Variants in ORC5 observed in about 807,000 individuals in gnomAD.
ORC5 encodes the protein protein phosphatase 1, regulatory subunit 117.
In ORC5, 39 loss-of-function variants were observed where a neutral mutation model predicts 58.8. That is an observed-to-expected ratio of 0.66 (90% CI 0.51 to 0.87). The LOEUF (loss-of-function observed/expected upper bound fraction) is 0.87, where lower values mean the gene tolerates loss of function less well. Ranked by LOEUF, ORC5 falls within the 40% of genes least tolerant of loss-of-function variation. The pLI is 0.00. For missense variants in ORC5, 493 were observed against 506.3 expected (o/e 0.97, Z 0.25); for synonymous variants, 218 against 177.6 (o/e 1.23, Z -1.81).
At chr7:104,187,295 A>G (rs748528683) in intron 6 of ORC5, among the ~76,000 whole-genome samples, 1 of 152,216 alleles carries the variant, frequency 6.6e-6, no homozygotes, top group Non-Finnish European at 1.5e-5. Context: ...GTTTTTTCCC[A>G]GCTGAGAAGA....
Position 104,126,733 on chromosome 7 carries a change from T to C in ORC5, c.*115A>G. The C allele has an allele frequency of 1.4e-6, 1 of 712,578 alleles. No individual in the cohort carries two copies. Among genetic ancestry groups the C allele is most frequent in the Non-Finnish European group, 2.4e-6 (1 of 418,870 alleles). 44.1% of individuals were successfully genotyped at this position (712,578 alleles called of 1,614,324 possible). ...AGATTCCATGCTGGGCCAGCACCTG[T>C]TTGGACAAATCCAATAGAGCCAAAG... On this transcript the variant is annotated 3_prime_UTR_variant, in exon 14 of 14. Coordinates refer to ENST00000297431, the MANE Select transcript of ORC5 (RefSeq NM_002553.4).
At chr7:104,204,446 T>C (rs181648205) in intron 1 of ORC5, among the ~76,000 whole-genome samples, 3 of 152,360 alleles carry the variant, frequency 2.0e-5, no homozygotes, top group Admixed American at 1.3e-4. Context: ...ATGTAACATA[T>C]TTGGCATATT....
rs7807228 is a variant in ORC5, at chr7:104,184,219, A to C, written c.685-48T>G. On this transcript the variant is annotated intron_variant, in intron 6 of 13. Transcript: ENST00000297431. ...AGAAGAAAAAAAGCACTGATCGATCACAATTAGAAATTTATTTTTCAAGTA... is the reference window on the plus strand; with the variant it reads ...AGAAGAAAAAAAGCACTGATCGATCCCAATTAGAAATTTATTTTTCAAGTA... 2.2e-3 allele frequency: 2,596 copies of C among 1,166,202 alleles called. 38 individuals carry two copies. In the African/African-American group the frequency reaches 0.035, roughly 16 times the overall value. 72.2% of individuals were successfully genotyped at this position (1,166,202 alleles called of 1,614,324 possible).
intron 11 of ORC5, 34 bp downstream of exon 11, chr7:104,165,200 TA>T: frequency 9.5e-7 from 1 of 1,050,646 alleles, no homozygotes; most frequent in Non-Finnish European, 1.4e-6. Context: ...CTTCATTTCC[TA>T]AGTTTCTTCC....
chr7:104,174,424 A>G (rs1379152015), intron 8 of ORC5, among the ~76,000 whole-genome samples: 2 of 152,224 alleles, frequency 1.3e-5, no homozygotes, highest in East Asian at 1.9e-4. Context: ...CTCAAATTCT[A>G]AAGGCATGCC....
chr7:104,154,010 G>A (rs1038658039), intron 12 of ORC5, among the ~76,000 whole-genome samples: 1 of 151,986 alleles, frequency 6.6e-6, no homozygotes, highest in Non-Finnish European at 1.5e-5. Context: ...TTTATTTAAA[G>A]TGCTTTTGGT....
chr7:104,206,680 C>T (rs1056788339), intron 1 of ORC5, among the ~76,000 whole-genome samples: 2 of 152,146 alleles, frequency 1.3e-5, no homozygotes, highest in African/African-American at 4.8e-5. Flanking sequence ...AATTGCCATG[C>T]AATATTTCTA....
chr7:104,158,213 A>T (rs904702664), intron 12 of ORC5, among the ~76,000 whole-genome samples: 8 of 152,162 alleles, frequency 5.3e-5, no homozygotes, highest in African/African-American at 1.9e-4. Flanking sequence ...ACTATCTAGC[A>T]TTCATTTACA....
chr7:104,207,735 G>A (rs1800128319), intron 1 of ORC5, 98 bp downstream of exon 1: 1 of 1,154,768 alleles, frequency 8.7e-7, no homozygotes, highest in South Asian at 1.3e-5. Flanking sequence ...CGGCCTTTTG[G>A]CCCTCAATCC....
At chr7:104,202,298 G>T (rs1451029160) in intron 2 of ORC5, 2 of 214,818 alleles carry the variant, frequency 9.3e-6, no homozygotes, top group Non-Finnish European at 1.9e-5. Context: ...ACTATTTTTA[G>T]TGATTTTATA....
At chr7:104,169,452 G>A (rs1380823464) in intron 8 of ORC5, among the ~76,000 whole-genome samples, 5 of 152,110 alleles carry the variant, frequency 3.3e-5, no homozygotes, top group Admixed American at 2.0e-4. Context: ...ATAGTATAAT[G>A]AGTAAAGAAT....
chr7:104,201,637 A>T (rs1490694896), intron 2 of ORC5, among the ~76,000 whole-genome samples: 1 of 151,808 alleles, frequency 6.6e-6, no homozygotes. Context: ...TAAAAAAAAA[A>T]AAAAAAGAAA....
intron 11 of ORC5, among the ~76,000 whole-genome samples, chr7:104,163,323 G>A (rs1562813324): frequency 6.6e-6 from 1 of 152,178 alleles, no homozygotes; most frequent in Non-Finnish European, 1.5e-5. Context: ...CTACTTGCAA[G>A]CCTAGTCTTT....
At chr7:104,195,937 C>T (rs1029309668) in intron 4 of ORC5, among the ~76,000 whole-genome samples, 6 of 151,976 alleles carry the variant, frequency 3.9e-5, no homozygotes, top group African/African-American at 1.5e-4. Context: ...ACATGATATC[C>T]ACCATATTTT....
intron 12 of ORC5, 113 bp downstream of exon 12, chr7:104,160,959 A>G (rs1799012044): frequency 4.5e-6 from 3 of 668,730 alleles, no homozygotes; most frequent in Non-Finnish European, 8.0e-6. Flanking sequence ...TTCATTATAT[A>G]GTTAAAACAG....
intron 13 of ORC5, among the ~76,000 whole-genome samples, chr7:104,128,445 G>C (rs1347357900): frequency 1.3e-5 from 2 of 152,090 alleles, no homozygotes; most frequent in African/African-American, 2.4e-5. Flanking sequence ...TTAAAAAATC[G>C]TGATACTGAT....
chr7:104,140,795 C>CA (rs1798659850), intron 12 of ORC5, among the ~76,000 whole-genome samples: 1 of 152,142 alleles, frequency 6.6e-6, no homozygotes, highest in Non-Finnish European at 1.5e-5. Context: ...TAGGGTGCAA[C>CA]AAGAGTTTTT....
chr7:104,200,973 C>G lies in ORC5; in HGVS notation c.166-15G>C, dbSNP rs367968604. ...ACATGTGGGAGCTGAAAACGAAAAC[C>G]AAAACACTGTAAGTAAAGAAGAAAA... On this transcript the variant is annotated splice_polypyrimidine_tract_variant and intron_variant, in intron 2 of 13. Coordinates refer to ENST00000297431, the MANE Select transcript of ORC5 (RefSeq NM_002553.4). 2.5e-6 allele frequency: 4 copies of G among 1,599,476 alleles called. No individual in the cohort carries two copies. The African/African-American group carries it at 5.4e-5, about 22-fold the overall frequency.
chr7:104,165,135 G>A, intron 11 of ORC5, 100 bp downstream of exon 11: 1 of 636,064 alleles, frequency 1.6e-6, no homozygotes, highest in Non-Finnish European at 2.7e-6. Flanking sequence ...ACACAAATAA[G>A]TTCCTATATT....
Sources: gnomAD v4.1 joint callset for allele counts (sites outside exome capture counted in the v4.1 genomes callset) on GRCh38, gnomAD v4.1.1 for gene constraint, MANE v1.5 for transcripts, NCBI Gene and HGNC (gene_info 2026-07-23, HGNC 2026-07-21) for gene names.